The following SYT1 variants were observed in gnomAD, a reference collection of about 807,000 sequenced individuals.
SYT1 encodes the protein synaptotagmin-1.
SYT1 carries 8 observed loss-of-function variants against 44.8 expected under a neutral mutation model. The observed-to-expected ratio is 0.18, with a 90% CI of 0.10 to 0.32. SYT1 has a LOEUF of 0.32. Among genes scored for constraint, SYT1 ranks in the 10% least tolerant of loss-of-function variants. The pLI, the probability that SYT1 is intolerant of heterozygous loss-of-function variation, is 1.00. For missense variants in SYT1, 286 were observed against 509.3 expected, an observed-to-expected ratio of 0.56 and a Z score of 4.22; for synonymous variants, 154 against 188.8, an observed-to-expected ratio of 0.82 and a Z score of 1.51.
intron 4 of SYT1, among the ~76,000 whole-genome samples, chr12:79,268,154 C>A (rs1014698368): frequency 6.6e-6 from 1 of 152,020 alleles, no homozygotes; most frequent in East Asian, 1.9e-4. Flanking sequence ...AAAAATTTAT[C>A]GAAGCATAGA....
intron 9 of SYT1, among the ~76,000 whole-genome samples, chr12:79,390,018 T>C (rs1884591845): frequency 6.6e-6 from 1 of 152,044 alleles, no homozygotes; most frequent in Non-Finnish European, 1.5e-5. Context: ...CTGCAATTTC[T>C]GCCTCCTGGG....
At chr12:78,937,876 T>C (rs1565727249) in intron 1 of SYT1, among the ~76,000 whole-genome samples, 1 of 152,146 alleles carries the variant, frequency 6.6e-6, no homozygotes, top group Non-Finnish European at 1.5e-5. Context: ...CTCTCTAATA[T>C]CTGCTTTTGG....
chr12:79,122,817 C>T (rs1038661670), intron 3 of SYT1, among the ~76,000 whole-genome samples: 1 of 152,110 alleles, frequency 6.6e-6, no homozygotes, highest in African/African-American at 2.4e-5. Flanking sequence ...AGAAAGATGG[C>T]TTTTATTTTC....
intron 3 of SYT1, among the ~76,000 whole-genome samples, chr12:79,200,265 T>C (rs1376870996): frequency 1.8e-4 from 27 of 152,076 alleles, no homozygotes; most frequent in Admixed American, 1.8e-3. Context: ...TTGGAAGAAA[T>C]GTGCTGCAGA....
chr12:79,285,762 A>G (rs1879278956), intron 4 of SYT1, 25 bp from the exon 5 acceptor site: 6 of 1,541,800 alleles, frequency 3.9e-6, no homozygotes, highest in East Asian at 2.3e-5. Context: ...TTGTATGACT[A>G]GTGCTCTCTG....
chr12:79,204,160 G>C lies in SYT1; in HGVS notation c.-17-13343G>C, dbSNP rs557023355. 2.8e-4 allele frequency among the ~76,000 whole-genome samples: 43 copies of C among 152,292 alleles called. 1 individual carries two copies. In the South Asian group the frequency reaches 8.3e-3, roughly 29 times the overall value. ...GCCTGACTCATGAGGTTTATTTTGT[G>C]AGCATTATATGAGCTTAGATGTTTA... On this transcript the variant is annotated intron_variant, in intron 3 of 10. Transcript: ENST00000261205.
intron 9 of SYT1, among the ~76,000 whole-genome samples, chr12:79,397,911 A>G (rs529030237): frequency 1.3e-5 from 2 of 152,204 alleles, no homozygotes; most frequent in Non-Finnish European, 2.9e-5. Flanking sequence ...ACTATGCAGA[A>G]CTGAGGTTCC....
At chr12:79,204,302 C>T (rs1873968674) in intron 3 of SYT1, among the ~76,000 whole-genome samples, 1 of 152,090 alleles carries the variant, frequency 6.6e-6, no homozygotes. Context: ...TCCTATTTAC[C>T]TCAGTCTGAA....
At chr12:79,179,049 T>G (rs60108297) in intron 3 of SYT1, among the ~76,000 whole-genome samples, 8 of 85,484 alleles carry the variant, frequency 9.4e-5, no homozygotes, top group Non-Finnish European at 1.6e-4. Flanking sequence ...TAGATATAGA[T>G]ATATAGATAT....
intron 4 of SYT1, among the ~76,000 whole-genome samples, chr12:79,230,606 A>C (rs1399255194): frequency 1.3e-5 from 2 of 152,188 alleles, no homozygotes; most frequent in Non-Finnish European, 2.9e-5. Context: ...TCTCTATTCA[A>C]GGTGGAATGC....
intron 1 of SYT1, among the ~76,000 whole-genome samples, chr12:78,977,236 T>A (rs779478782): frequency 1.2e-4 from 19 of 152,158 alleles, no homozygotes; most frequent in Non-Finnish European, 2.6e-4. Context: ...TATTTCAAAG[T>A]TCTTCCTAGG....
intron 9 of SYT1, among the ~76,000 whole-genome samples, chr12:79,399,934 C>T (rs1410379662): frequency 1.3e-5 from 2 of 152,172 alleles, no homozygotes; most frequent in Non-Finnish European, 2.9e-5. Context: ...TCCACAAGTA[C>T]AATATCATTT....
chr12:79,025,727 C>T (rs1471931117), intron 2 of SYT1, among the ~76,000 whole-genome samples: 1 of 151,316 alleles, frequency 6.6e-6, no homozygotes, highest in Non-Finnish European at 1.5e-5. Flanking sequence ...TGTATGCATT[C>T]ATATATATGT....
At chr12:79,123,455 G>C (rs1202020438) in intron 3 of SYT1, among the ~76,000 whole-genome samples, 1 of 151,806 alleles carries the variant, frequency 6.6e-6, no homozygotes, top group African/African-American at 2.4e-5. Context: ...TGGTCCTCTA[G>C]GTACTAACAT....
intron 3 of SYT1, among the ~76,000 whole-genome samples, chr12:79,051,950 G>A (rs2137794926): frequency 6.6e-6 from 1 of 152,204 alleles, no homozygotes; most frequent in South Asian, 2.1e-4. Context: ...ATAGTTTGAA[G>A]TCAGGTAGCG....
Position 79,257,521 on chromosome 12 carries a change from C to T in SYT1, c.167-28266C>T, listed in dbSNP as rs148759677. On this transcript the variant is annotated intron_variant, in intron 4 of 10. Coordinates refer to ENST00000261205, the MANE Select transcript of SYT1 (RefSeq NM_005639.3). The stretch of plus-strand genomic sequence containing the variant: ...TTTGAGACGGAGTCTCGCTCTGTCG[C>T]CCAGGCCGGACTGCGGACTGCAGTG... Among the ~76,000 whole-genome samples, 378 of 152,290 alleles carry T rather than the reference C, an allele frequency of 2.5e-3. 4 individuals carry two copies. In the East Asian group the frequency reaches 0.03, roughly 12 times the overall value.
At chr12:79,313,336 C>T (rs1880901674) in intron 8 of SYT1, among the ~76,000 whole-genome samples, 1 of 152,126 alleles carries the variant, frequency 6.6e-6, no homozygotes, top group Admixed American at 6.5e-5. Flanking sequence ...TTATGCCGTG[C>T]AATACGTGTT....
At chr12:78,892,205 C>T (rs1177150150) in intron 1 of SYT1, among the ~76,000 whole-genome samples, 1 of 151,756 alleles carries the variant, frequency 6.6e-6, no homozygotes, top group Non-Finnish European at 1.5e-5. Context: ...TGGCTTCACT[C>T]ATTAACCTCT....
chr12:79,268,681 A>ATTTCCTCT (rs1878261146), intron 4 of SYT1, among the ~76,000 whole-genome samples: 1 of 152,216 alleles, frequency 6.6e-6, no homozygotes, highest in African/African-American at 2.4e-5. Context: ...AGGAACACAA[A>ATTTCCTCT]TTGAAAAGAG....
Sources: allele counts gnomAD v4.1 joint callset (sites outside exome capture counted in the v4.1 genomes callset), GRCh38; gene constraint gnomAD v4.1.1; transcripts MANE v1.5; gene names NCBI Gene and HGNC (gene_info 2026-07-23, HGNC 2026-07-21).